INPP4B: variants seen among roughly 807,000 people sequenced by gnomAD.
The protein encoded by INPP4B is inositol polyphosphate-4-phosphatase type II B, also known as inositol polyphosphate 4-phosphatase type II.
INPP4B carries 55 observed loss-of-function variants against 122.5 expected under a neutral mutation model. That is an observed-to-expected ratio of 0.45 (90% CI 0.36 to 0.56). INPP4B has a LOEUF of 0.56. INPP4B is among the 20% of genes least tolerant of loss of function. The pLI is 0.00. For synonymous variants in INPP4B, 403 were observed against 388.7 expected (o/e 1.04, Z -0.43); for missense variants, 1,000 against 1,097.7 (o/e 0.91, Z 1.26).
At chr4:142,086,405 G>A (rs904111445) in intron 23 of INPP4B, 149 bp from the exon 24 acceptor site, 9 of 605,344 alleles carry the variant, frequency 1.5e-5, no homozygotes, top group African/African-American at 1.5e-4. Flanking sequence ...GAGTGCCAAT[G>A]GGGCCCAATC....
intron 2 of INPP4B, among the ~76,000 whole-genome samples, chr4:142,715,527 T>G (rs1763652925): frequency 6.6e-6 from 1 of 152,072 alleles, no homozygotes; most frequent in African/African-American, 2.4e-5. Flanking sequence ...GAATAGCATA[T>G]CACAAAGTCA....
intron 2 of INPP4B, among the ~76,000 whole-genome samples, chr4:142,537,439 G>T (rs367935182): frequency 0.045 from 3,082 of 67,920 alleles, 31 homozygotes; most frequent in East Asian, 0.1. Flanking sequence ...TAGAGAGAGA[G>T]AGAGAGAGAG....
At chr4:142,291,025 T>A (rs1756258596) in intron 9 of INPP4B, among the ~76,000 whole-genome samples, 1 of 152,112 alleles carries the variant, frequency 6.6e-6, no homozygotes, top group South Asian at 2.1e-4. Context: ...CTCTTAGAAG[T>A]CCCAATTATA....
Position 142,169,964 on chromosome 4 carries a change from A to C in INPP4B, c.1359+3668T>G, listed in dbSNP as rs115771575. On this transcript the variant is annotated intron_variant, in intron 16 of 25. Transcript: ENST00000262992. ...TTGAACGCTAATAGATTTCTGAGCT[A>C]TGAGAGATACGTGAACACTGTCCAC... 1.7e-3 allele frequency among the ~76,000 whole-genome samples: 253 copies of C among 151,844 alleles called. 1 individual carries two copies. Among genetic ancestry groups the C allele is most frequent in the African/African-American group, 5.8e-3 (240 of 41,506 alleles).
intron 23 of INPP4B, among the ~76,000 whole-genome samples, chr4:142,098,902 A>G (rs1309914517): frequency 6.6e-6 from 1 of 152,116 alleles, no homozygotes; most frequent in Non-Finnish European, 1.5e-5. Flanking sequence ...GTAGACATGC[A>G]TGGACTGAAT....
chr4:142,322,006 G>A (rs1251550147), intron 7 of INPP4B, among the ~76,000 whole-genome samples: 1 of 152,100 alleles, frequency 6.6e-6, no homozygotes, highest in Non-Finnish European at 1.5e-5. Flanking sequence ...CACATATTAT[G>A]ATTCAGCCAC....
intron 2 of INPP4B, among the ~76,000 whole-genome samples, chr4:142,492,769 T>C (rs1460521043): frequency 3.3e-5 from 5 of 152,128 alleles, no homozygotes; most frequent in East Asian, 1.9e-4. Context: ...CAGGATGCAA[T>C]AGAAAAGAAA....
intron 25 of INPP4B, among the ~76,000 whole-genome samples, chr4:142,067,463 C>T (rs1419603847): frequency 6.6e-6 from 1 of 152,174 alleles, no homozygotes; most frequent in Non-Finnish European, 1.5e-5. Flanking sequence ...CGGAACAAAG[C>T]TGGATGGAGA....
At chr4:142,185,196 G>C (rs1242627085) in intron 15 of INPP4B, among the ~76,000 whole-genome samples, 1 of 152,022 alleles carries the variant, frequency 6.6e-6, no homozygotes, top group Non-Finnish European at 1.5e-5. Context: ...AGTTGTCAAG[G>C]ATTTTCAGGT....
intron 18 of INPP4B, among the ~76,000 whole-genome samples, chr4:142,130,969 T>C (rs1162036785): frequency 6.6e-6 from 1 of 152,218 alleles, no homozygotes; most frequent in Non-Finnish European, 1.5e-5. Context: ...TCTTATTTCG[T>C]AGCACAAAAT....
intron 7 of INPP4B, among the ~76,000 whole-genome samples, chr4:142,399,677 G>A (rs1562014506): frequency 6.6e-6 from 1 of 152,020 alleles, no homozygotes; most frequent in South Asian, 2.1e-4. Flanking sequence ...TTTACTATAC[G>A]AACTAGGGTT....
chr4:142,720,893 CGTGTGT>C lies in INPP4B; in HGVS notation c.-191+4940_-191+4945del, dbSNP rs35250436. Among the ~76,000 whole-genome samples, 30 of 111,256 alleles carry C rather than the reference CGTGTGT, an allele frequency of 2.7e-4. No homozygotes were observed. The South Asian group carries it at 4.1e-3, about 15-fold the overall frequency. 73.0% of individuals were successfully genotyped at this position (111,256 alleles called of 152,430 possible). A position where few individuals can be genotyped will look rare whatever the true frequency, so the allele number is the denominator to read the frequency against. ...TTGTCACCCAGGCTGGAGTGCATCT[CGTGTGT>C]GTGTGTGTGTGTGTGTGTGTGTGTG... On this transcript the variant is annotated intron_variant, in intron 2 of 25. Transcript: ENST00000262992.
intron 5 of INPP4B, among the ~76,000 whole-genome samples, chr4:142,422,527 A>G (rs1467379120): frequency 6.6e-6 from 1 of 151,998 alleles, no homozygotes; most frequent in East Asian, 1.9e-4. Flanking sequence ...CAAGAAGGCT[A>G]GGTGTGGTGG....
chr4:142,248,538 CA>C (rs1730213870), intron 11 of INPP4B, among the ~76,000 whole-genome samples: 2 of 151,880 alleles, frequency 1.3e-5, no homozygotes, highest in African/African-American at 4.8e-5. Context: ...GGGGTTTCAC[CA>C]TGTTGGCCAG....
At chr4:142,530,166 T>C (rs1580297461) in intron 2 of INPP4B, among the ~76,000 whole-genome samples, 1 of 152,098 alleles carries the variant, frequency 6.6e-6, no homozygotes, top group Non-Finnish European at 1.5e-5. Flanking sequence ...TTGTTGCTGC[T>C]GAAGCAAATT....
rs928089193 is a variant in INPP4B at position 142,111,429 on chromosome 4, C to A, written c.2276+1113G>T. ...TGGTGCAATCTCAGCTCACCGCAAC[C>A]TCTGCCTCCCCAGTTCAAGCGATTC... On this transcript the variant is annotated intron_variant, in intron 22 of 25. Transcript: ENST00000262992. 1.5e-4 allele frequency among the ~76,000 whole-genome samples: 23 copies of A among 152,070 alleles called. 1 individual carries two copies. The highest frequency in any genetic ancestry group is 2.9e-4 in the Non-Finnish European group (20 of 68,014).
chr4:142,476,475 C>T (rs1195046361), intron 2 of INPP4B, among the ~76,000 whole-genome samples: 1 of 151,992 alleles, frequency 6.6e-6, no homozygotes, highest in Admixed American at 6.6e-5. Flanking sequence ...AGGCTCAAAC[C>T]TTAAATGTAA....
intron 2 of INPP4B, among the ~76,000 whole-genome samples, chr4:142,466,099 GA>G (rs980121119): frequency 2.2e-4 from 33 of 152,154 alleles, no homozygotes; most frequent in African/African-American, 7.2e-4. Context: ...AGAGATTCCA[GA>G]AAATATGGAA....
chr4:142,679,243 A>G (rs1758240446), intron 2 of INPP4B, among the ~76,000 whole-genome samples: 1 of 151,890 alleles, frequency 6.6e-6, no homozygotes, highest in Admixed American at 6.6e-5. Flanking sequence ...CTGCTGCCTT[A>G]GCAAGTGAGG....
Sources: allele counts gnomAD v4.1 joint callset (sites outside exome capture counted in the v4.1 genomes callset), GRCh38; gene constraint gnomAD v4.1.1; transcripts MANE v1.5; gene names NCBI Gene and HGNC (gene_info 2026-07-23, HGNC 2026-07-21).